IK: variants seen among roughly 807,000 people sequenced by gnomAD.
IK encodes the protein IK cytokine.
In IK, 47 loss-of-function variants were observed where a neutral mutation model predicts 90.9. The observed-to-expected ratio is 0.52, with a 90% CI of 0.41 to 0.66. The LOEUF is 0.66. Ranked by LOEUF, IK falls within the 30% of genes least tolerant of loss-of-function variation. The pLI, the probability that IK is intolerant of heterozygous loss-of-function variation, is 0.00. For missense variants in IK, 385 were observed against 709.3 expected (o/e 0.54, Z 5.19); for synonymous variants, 201 against 227.5 (o/e 0.88, Z 1.05).
intron 10 of IK, 113 bp from the exon 11 acceptor site, chr5:140,658,624 C>A: frequency 2.2e-6 from 2 of 923,818 alleles, no homozygotes; most frequent in Non-Finnish European, 3.4e-6. Flanking sequence ...CCAGCCTTGA[C>A]CCACGTTTTA....
chr5:140,659,240 T>G, intron 12 of IK, 75 bp from the exon 13 acceptor site: 1 of 1,612,760 alleles, frequency 6.2e-7, no homozygotes, highest in Non-Finnish European at 8.5e-7. Flanking sequence ...GGTAAGGAAT[T>G]GTTTCAAACT....
At chr5:140,648,219 A>G (rs962498005) in intron 1 of IK, 17 of 703,796 alleles carry the variant, frequency 2.4e-5, no homozygotes, top group Non-Finnish European at 4.1e-5. Context: ...GGTTGCGCGT[A>G]TTTATCTTTT....
intron 10 of IK, among the ~76,000 whole-genome samples, chr5:140,658,452 G>C (rs1757745709): frequency 6.6e-6 from 1 of 151,990 alleles, no homozygotes; most frequent in Non-Finnish European, 1.5e-5. Flanking sequence ...TGAGTAGCTG[G>C]GATTACAGGC....
chr5:140,652,460 A>T (rs1311557723), intron 4 of IK, among the ~76,000 whole-genome samples: 2 of 152,230 alleles, frequency 1.3e-5, no homozygotes, highest in Non-Finnish European at 2.9e-5. Flanking sequence ...GTGAAAGTAC[A>T]TGTAGGCATT....
Position 140,659,337 on chromosome 5 carries a change from A to C in IK, c.1195+4A>C, listed in dbSNP as rs1434781246. 1 of 1,613,990 alleles carries C rather than the reference A, an allele frequency of 6.2e-7. No individual in the cohort carries two copies. Among genetic ancestry groups the C allele is most frequent in the South Asian group, 1.1e-5 (1 of 91,080 alleles). On this transcript the variant is annotated splice_donor_region_variant and intron_variant, in intron 13 of 19. Coordinates refer to ENST00000417647, the MANE Select transcript of IK (RefSeq NM_006083.4). The stretch of plus-strand genomic sequence containing the variant: ...CAGCCCATGGACGTTGACAAAGGTG[A>C]GTTGTACACACAGCATCTCACAGTT...
rs113113127 is a variant in IK at position 140,662,368 on chromosome 5, T to C, written c.*39T>C. On this transcript the variant is annotated 3_prime_UTR_variant, in exon 20 of 20. Coordinates refer to ENST00000417647, the MANE Select transcript of IK (RefSeq NM_006083.4). ...CCAGAGATGCTCCACAAGGATATGC[T>C]CCCCACTGTTTTCTTTCTACAATTT... 2 of 1,605,704 alleles carry C rather than the reference T, an allele frequency of 1.2e-6. No individual in the cohort carries two copies. Among genetic ancestry groups the C allele is most frequent in the Non-Finnish European group, 1.7e-6 (2 of 1,172,544 alleles).
rs146400503 is a variant in IK, at chr5:140,647,850, C to T, written c.-59C>T. ...AGGTGCACTGTGGGAAAGAGCTTGTCGCTGCGGTGTTGCTGTTGGAGACTC... is the reference window on the plus strand; with the variant it reads ...AGGTGCACTGTGGGAAAGAGCTTGTTGCTGCGGTGTTGCTGTTGGAGACTC... On this transcript the variant is annotated 5_prime_UTR_variant, in exon 1 of 20. Transcript: ENST00000417647. 730 of 1,604,776 alleles carry T rather than the reference C, an allele frequency of 4.5e-4. 6 individuals are homozygous for T. In the East Asian group the frequency reaches 0.014, roughly 31 times the overall value.
Position 140,660,115 on chromosome 5 carries a change from G to A in IK, c.1275G>A (p.Ser425=), listed in dbSNP as rs763756395. 4.3e-6 allele frequency: 7 copies of A among 1,613,072 alleles called. No homozygotes were observed. In the African/African-American group the frequency reaches 9.3e-5, roughly 22 times the overall value. Residue 425 remains serine, a splice_region_variant and synonymous_variant, in exon 15 of 20, where the codon TCG becomes TCA. Coordinates refer to ENST00000417647, the MANE Select transcript of IK (RefSeq NM_006083.4). ...TAGTGTTTTCTTTAACATAGCATAT[G>A]CTGAAGAAGCCAGAAGACAAAAAGC... ...AGSAGWEGTE[S]LKKPEDKKQL...
intron 9 of IK, among the ~76,000 whole-genome samples, chr5:140,656,225 C>G (rs889360108): frequency 6.6e-6 from 1 of 152,226 alleles, no homozygotes; most frequent in Non-Finnish European, 1.5e-5. Context: ...CCAAGTCTCA[C>G]TCTGTCACCC....
rs1338236707 is a variant in IK at position 140,659,202 on chromosome 5, C to T, written c.1176+38C>T. ...CCCTTAGTACCAGGTGATGGAGTTGCCCCTCTCTGGAAATGTGAGCAAGGT... is the reference window on the plus strand; with the variant it reads ...CCCTTAGTACCAGGTGATGGAGTTGTCCCTCTCTGGAAATGTGAGCAAGGT... On this transcript the variant is annotated intron_variant, in intron 12 of 19. Transcript: ENST00000417647. 3 of 1,599,996 alleles carry T rather than the reference C, an allele frequency of 1.9e-6. No individual in the cohort carries two copies. The African/African-American group carries it at 4.0e-5, about 21-fold the overall frequency.
intron 19 of IK, 30 bp downstream of exon 19, chr5:140,662,243 C>T (rs1403228050): frequency 6.2e-7 from 1 of 1,613,930 alleles, no homozygotes; most frequent in East Asian, 2.2e-5. Context: ...CTCTGTGGGA[C>T]TGGTGGGAAT....
In IK at chr5:140,648,038, GTGTGTGTATGTA is replaced by G. The variant is rs769477072; in HGVS notation, c.16+118_16+129del. On this transcript the variant is annotated intron_variant, in intron 1 of 19. Transcript: ENST00000417647. ...TGTGTGTGTGTGTGTGTGTGTGTGT[GTGTGTGTATGTA>G]TGTATGTGTGACGCTTGAGCCCGGA... The G allele has an allele frequency of 0.16, 147,922 of 910,414 alleles. 7,574 individuals carry two copies. The highest frequency in any genetic ancestry group is 0.17 in the Non-Finnish European group (99,479 of 601,136). The allele number at this position is 910,414 out of a possible 1,614,324, so 56.4% of individuals were successfully genotyped here. A position where few individuals can be genotyped will look rare whatever the true frequency, so the allele number is the denominator to read the frequency against.
At chr5:140,649,300 C>T (rs1187638662) in intron 2 of IK, among the ~76,000 whole-genome samples, 2 of 151,392 alleles carry the variant, frequency 1.3e-5, no homozygotes, top group Non-Finnish European at 2.9e-5. Flanking sequence ...CCTCTGCCTC[C>T]TGAGTTCAAG....
chr5:140,657,864 T>C (rs73271555), intron 10 of IK, among the ~76,000 whole-genome samples: 3,147 of 152,338 alleles, frequency 0.021, 109 homozygotes, highest in African/African-American at 0.073. Flanking sequence ...TGGTCAGGTC[T>C]GAAGCATGAG....
intron 9 of IK, among the ~76,000 whole-genome samples, chr5:140,656,519 C>T (rs555849406): frequency 5.7e-4 from 73 of 128,376 alleles, no homozygotes; most frequent in African/African-American, 1.9e-3. Context: ...AATTGGTTTC[C>T]GCACTTCCAC....
Position 140,660,825 on chromosome 5 carries a change from T to C in IK, c.1413+10T>C, listed in dbSNP as rs2149808663. The C allele has an allele frequency of 1.9e-6, 3 of 1,608,944 alleles. No homozygotes were observed. Among genetic ancestry groups the C allele is most frequent in the Non-Finnish European group, 2.6e-6 (3 of 1,175,392 alleles). On this transcript the variant is annotated intron_variant, in intron 16 of 19. Transcript: ENST00000417647. ...TAGCAAAATGGACCAGGTATGTAGT[T>C]AGAAGGATGGTGGGCGCCTTTGGGC...
In IK at chr5:140,660,511, TG is replaced by T. The variant is rs951041265; in HGVS notation, c.1356-245del. On this transcript the variant is annotated intron_variant, in intron 15 of 19. Coordinates refer to ENST00000417647, the MANE Select transcript of IK (RefSeq NM_006083.4). ...TGAGGTTTCACCATGTTGGTGAGGC[TG>T]GTCTTGAACTCCTGACCTCAGGTAA... 7 of 546,150 alleles carry T rather than the reference TG, an allele frequency of 1.3e-5. No homozygotes were observed. In the Admixed American group the frequency reaches 2.0e-4, roughly 16 times the overall value. The allele number at this position is 546,150 out of a possible 1,614,324, so 33.8% of individuals were successfully genotyped here.
At chr5:140,656,765 A>G (rs1757718726) in intron 9 of IK, among the ~76,000 whole-genome samples, 1 of 152,234 alleles carries the variant, frequency 6.6e-6, no homozygotes, top group South Asian at 2.1e-4. Context: ...TTTGTGTTAC[A>G]AACAATCCAT....
chr5:140,659,296 C>T lies in IK; in HGVS notation c.1177-19C>T. 1 of 1,613,750 alleles carries T rather than the reference C, an allele frequency of 6.2e-7. No individual in the cohort carries two copies. Among genetic ancestry groups the T allele is most frequent in the Admixed American group, 1.7e-5 (1 of 60,014 alleles). On this transcript the variant is annotated intron_variant, in intron 12 of 19. Transcript: ENST00000417647. ...ATCTCTCATGGTAACACTAACTTCA[C>T]ATTTTGTGTTCTTTCCAGCCCATGG... is the stretch of plus-strand genomic sequence containing the variant.
Sources: allele counts gnomAD v4.1 joint callset (sites outside exome capture counted in the v4.1 genomes callset), GRCh38; gene constraint gnomAD v4.1.1; transcripts MANE v1.5; gene names NCBI Gene and HGNC (gene_info 2026-07-23, HGNC 2026-07-21).